Variants in DLGAP2 observed in about 807,000 individuals in gnomAD.
The protein encoded by DLGAP2 is disks large-associated protein 2.
A neutral mutation model predicts 100.3 loss-of-function variants in DLGAP2; 26 were observed. The observed-to-expected ratio is 0.26, with a 90% CI of 0.19 to 0.36. The LOEUF (loss-of-function observed/expected upper bound fraction) is 0.36, where lower values mean the gene tolerates loss of function less well. Among genes scored for constraint, DLGAP2 ranks in the 10% least tolerant of loss-of-function variants. DLGAP2 has a pLI of 1.00. For synonymous variants in DLGAP2, 886 were observed against 630.1 expected (o/e 1.41, Z -6.08); for missense variants, 1,858 against 1,453.2 (o/e 1.28, Z -4.53).
chr8:1,665,099 T>C (rs555871643), intron 8 of DLGAP2, among the ~76,000 whole-genome samples: 25 of 152,314 alleles, frequency 1.6e-4, no homozygotes, highest in African/African-American at 5.8e-4. Context: ...AGTGAGAAGA[T>C]GTGGTATGTG....
intron 5 of DLGAP2, among the ~76,000 whole-genome samples, chr8:1,558,599 C>T (rs1227176804): frequency 6.6e-6 from 1 of 151,816 alleles, no homozygotes; most frequent in Non-Finnish European, 1.5e-5. Flanking sequence ...TGCATGCACA[C>T]CCATATGCCT....
chr8:779,723 T>A (rs1254760633), intron 1 of DLGAP2, among the ~76,000 whole-genome samples: 1 of 152,166 alleles, frequency 6.6e-6, no homozygotes, highest in African/African-American at 2.4e-5. Context: ...AATCTTTGCC[T>A]TCTCTCAAGC....
chr8:782,790 C>G (rs1331115681), intron 1 of DLGAP2, among the ~76,000 whole-genome samples: 1 of 152,168 alleles, frequency 6.6e-6, no homozygotes, highest in African/African-American at 2.4e-5. Context: ...CCTCAGAATG[C>G]CTTGAAAAGC....
At chr8:1,141,866 G>T (rs116093297) in intron 2 of DLGAP2, among the ~76,000 whole-genome samples, 2 of 151,988 alleles carry the variant, frequency 1.3e-5, no homozygotes, top group Non-Finnish European at 2.9e-5. Context: ...TGCTTTCTTT[G>T]TTTCTCTAAA....
chr8:1,433,738 C>CTTTT (rs3052055), intron 3 of DLGAP2, among the ~76,000 whole-genome samples: 8,962 of 123,988 alleles, frequency 0.072, 693 homozygotes, highest in Admixed American at 0.1. Context: ...GCAAAACTGG[C>CTTTT]TTTTTTTTTT....
At chr8:1,086,090 C>G (rs189876011) in intron 2 of DLGAP2, among the ~76,000 whole-genome samples, 3 of 152,134 alleles carry the variant, frequency 2.0e-5, no homozygotes, top group East Asian at 1.9e-4. Context: ...TAGAGAAACA[C>G]TAATGACTTT....
intron 3 of DLGAP2, among the ~76,000 whole-genome samples, chr8:1,278,436 T>C (rs7827858): frequency 0.61 from 92,126 of 151,396 alleles, 28,351 homozygotes; most frequent in African/African-American, 0.68. Flanking sequence ...GGGATAAATA[T>C]CAAGAAGGAT....
At chr8:1,685,619 C>A (rs905856474) in intron 12 of DLGAP2, among the ~76,000 whole-genome samples, 2 of 151,552 alleles carry the variant, frequency 1.3e-5, no homozygotes, top group African/African-American at 4.9e-5. Context: ...CTTGTCAGCA[C>A]AGGAAAAGGA....
intron 1 of DLGAP2, among the ~76,000 whole-genome samples, chr8:863,035 T>A (rs1797422380): frequency 6.6e-6 from 1 of 152,240 alleles, no homozygotes; most frequent in Non-Finnish European, 1.5e-5. Context: ...TTCAGGGACA[T>A]GCTGTGAAAT....
At chr8:1,294,061 G>C (rs571367421) in intron 3 of DLGAP2, among the ~76,000 whole-genome samples, 26 of 152,292 alleles carry the variant, frequency 1.7e-4, no homozygotes, top group African/African-American at 4.8e-4. Flanking sequence ...GAGGGGAATG[G>C]ACTCGCCCTC....
chr8:1,190,762 A>C (rs751995781), intron 2 of DLGAP2, among the ~76,000 whole-genome samples: 1 of 152,178 alleles, frequency 6.6e-6, no homozygotes, highest in Admixed American at 6.5e-5. Context: ...GGGCAGACCC[A>C]TGACTAGAGC....
intron 2 of DLGAP2, among the ~76,000 whole-genome samples, chr8:939,999 C>G (rs574006465): frequency 6.6e-6 from 1 of 152,132 alleles, no homozygotes; most frequent in East Asian, 1.9e-4. Context: ...ATGAGAGAAT[C>G]CGGGAATAGA....
At chr8:1,154,450 C>T (rs1248988052) in intron 2 of DLGAP2, among the ~76,000 whole-genome samples, 3 of 152,162 alleles carry the variant, frequency 2.0e-5, no homozygotes, top group Non-Finnish European at 4.4e-5. Context: ...CTCACTTCTA[C>T]CGTAAATTTG....
chr8:757,572 C>T (rs1820953134), intron 1 of DLGAP2, among the ~76,000 whole-genome samples: 1 of 152,170 alleles, frequency 6.6e-6, no homozygotes, highest in African/African-American at 2.4e-5. Context: ...CATACCCTCC[C>T]CTGTGTCACG....
chr8:1,144,556 A>G (rs1796573774), intron 2 of DLGAP2, among the ~76,000 whole-genome samples: 2 of 152,252 alleles, frequency 1.3e-5, no homozygotes, highest in Admixed American at 1.3e-4. Context: ...GACCACCTCC[A>G]GAAGCTACAG....
At chr8:1,303,778 A>G (rs575759455) in intron 3 of DLGAP2, among the ~76,000 whole-genome samples, 1 of 151,948 alleles carries the variant, frequency 6.6e-6, no homozygotes, top group South Asian at 2.1e-4. Context: ...GGCTAAATTA[A>G]TCCTGCATCC....
chr8:1,026,402 C>T (rs936198693), intron 2 of DLGAP2, among the ~76,000 whole-genome samples: 9 of 152,136 alleles, frequency 5.9e-5, no homozygotes, highest in South Asian at 2.1e-4. Flanking sequence ...GCTTTGTGGA[C>T]GAGGACGCCC....
At chr8:872,773 C>G (rs1308874460) in intron 1 of DLGAP2, among the ~76,000 whole-genome samples, 1 of 152,174 alleles carries the variant, frequency 6.6e-6, no homozygotes, top group Non-Finnish European at 1.5e-5. Context: ...TCAGAACACT[C>G]TCCTCACCCA....
At chr8:1,427,224 G>A (rs560532528) in intron 3 of DLGAP2, among the ~76,000 whole-genome samples, 2 of 152,070 alleles carry the variant, frequency 1.3e-5, no homozygotes, top group Non-Finnish European at 2.9e-5. Context: ...TACAATTATA[G>A]ATTTCAGTAT....
Sources: allele counts gnomAD v4.1 joint callset (sites outside exome capture counted in the v4.1 genomes callset), GRCh38; gene constraint gnomAD v4.1.1; transcripts MANE v1.5; gene names NCBI Gene and HGNC (gene_info 2026-07-23, HGNC 2026-07-21).